UNC13C: variants seen among roughly 807,000 people sequenced by gnomAD.
UNC13C encodes unc-13 homolog C, also known as protein unc-13 homolog C.
Under a neutral mutation model 245.4 loss-of-function variants are expected in UNC13C, and 174 were observed. The observed-to-expected ratio is 0.71, with a 90% CI of 0.63 to 0.80. The LOEUF (loss-of-function observed/expected upper bound fraction) is 0.80, where lower values mean the gene tolerates loss of function less well. UNC13C is among the 30% of genes least tolerant of loss of function. UNC13C has a pLI of 0.00. For synonymous variants in UNC13C, 992 were observed against 895.1 expected, an observed-to-expected ratio of 1.11 and a Z score of -1.93; for missense variants, 2,829 against 2,602.9, an observed-to-expected ratio of 1.09 and a Z score of -1.89.
At chr15:53,897,227 C>T in the UNC13C span, among the ~76,000 whole-genome samples, 968 of 152,310 alleles carry the variant, frequency 6.4e-3, 10 homozygotes, top group African/African-American at 0.023. Flanking sequence ...AGTCTTGTCT[C>T]ACACAGAGGA....
chr15:54,279,816 G>T (rs1225297757), intron 10 of UNC13C, among the ~76,000 whole-genome samples: 2 of 152,124 alleles, frequency 1.3e-5, no homozygotes, highest in African/African-American at 4.8e-5. Flanking sequence ...GTTCAGATAG[G>T]CTGGTAAGGA....
the UNC13C span, among the ~76,000 whole-genome samples, chr15:53,846,014 T>C: frequency 1.3e-5 from 2 of 152,182 alleles, no homozygotes; most frequent in Non-Finnish European, 2.9e-5. Context: ...TTCAGTACAG[T>C]ATTCAATAAA....
chr15:54,485,051 C>G (rs915014991), intron 19 of UNC13C, among the ~76,000 whole-genome samples: 1 of 151,550 alleles, frequency 6.6e-6, no homozygotes, highest in Non-Finnish European at 1.5e-5. Flanking sequence ...TTTACTGACA[C>G]AATCAGGGCC....
At chr15:54,475,562 G>T (rs1892692386) in intron 19 of UNC13C, among the ~76,000 whole-genome samples, 1 of 151,544 alleles carries the variant, frequency 6.6e-6, no homozygotes, top group Non-Finnish European at 1.5e-5. Flanking sequence ...GCAGTGTTTG[G>T]TTTTTTGTCC....
At chr15:54,184,974 A>T (rs1465621166) in intron 4 of UNC13C, among the ~76,000 whole-genome samples, 4 of 152,124 alleles carry the variant, frequency 2.6e-5, no homozygotes, top group East Asian at 1.9e-4. Flanking sequence ...CTGGTGTGAG[A>T]TGGTATCTCA....
chr15:53,957,577 C>CTA, the UNC13C span, among the ~76,000 whole-genome samples: 3 of 151,956 alleles, frequency 2.0e-5, no homozygotes, highest in Non-Finnish European at 4.4e-5. Context: ...AAAGTTTACA[C>CTA]TATATATATA....
At chr15:54,552,964 A>G (rs1215206796) in intron 28 of UNC13C, among the ~76,000 whole-genome samples, 1 of 102,510 alleles carries the variant, frequency 9.8e-6, no homozygotes, top group Non-Finnish European at 1.8e-5. Flanking sequence ...ATTCTATATT[A>G]CAATATATAT....
At chr15:54,423,412 G>C (rs758843213) in intron 19 of UNC13C, among the ~76,000 whole-genome samples, 1 of 151,694 alleles carries the variant, frequency 6.6e-6, no homozygotes, top group Admixed American at 6.6e-5. Context: ...AAGTTTGCCA[G>C]TATAATACAG....
intron 18 of UNC13C, among the ~76,000 whole-genome samples, chr15:54,399,420 C>A (rs1361792335): frequency 1.3e-5 from 2 of 151,772 alleles, no homozygotes; most frequent in Non-Finnish European, 3.0e-5. Flanking sequence ...AAATTTTACT[C>A]ATTTTACTTA....
intron 17 of UNC13C, among the ~76,000 whole-genome samples, chr15:54,377,175 C>T (rs529877): frequency 0.46 from 70,102 of 152,006 alleles, 16,525 homozygotes; most frequent in East Asian, 0.74. Context: ...CTTGGGCTTC[C>T]TCACAGCATA....
intron 30 of UNC13C, among the ~76,000 whole-genome samples, chr15:54,590,532 GTT>G (rs1276563047): frequency 1.3e-5 from 2 of 151,836 alleles, no homozygotes; most frequent in Admixed American, 6.6e-5. Flanking sequence ...CTAAGGGTTT[GTT>G]TGTTTGTTTG....
chr15:54,082,735 G>C (rs959325124), intron 2 of UNC13C, among the ~76,000 whole-genome samples: 2 of 152,136 alleles, frequency 1.3e-5, no homozygotes, highest in East Asian at 3.9e-4. Flanking sequence ...CATTTTGATG[G>C]GACTGTTTTT....
At chr15:54,235,646 A>T (rs1464625574) in intron 5 of UNC13C, among the ~76,000 whole-genome samples, 1 of 152,024 alleles carries the variant, frequency 6.6e-6, no homozygotes, top group African/African-American at 2.4e-5. Context: ...AGGTCAGGAG[A>T]TCAAGACCAT....
At chr15:54,097,621 T>C (rs552403654) in intron 2 of UNC13C, among the ~76,000 whole-genome samples, 1 of 152,298 alleles carries the variant, frequency 6.6e-6, no homozygotes, top group African/African-American at 2.4e-5. Flanking sequence ...TTAATTATCT[T>C]TGTAGCAACT....
At chr15:54,173,804 G>T (rs1160843080) in intron 4 of UNC13C, among the ~76,000 whole-genome samples, 1 of 152,122 alleles carries the variant, frequency 6.6e-6, no homozygotes, top group Non-Finnish European at 1.5e-5. Flanking sequence ...TTAAGCAGAA[G>T]CATTCAGGCT....
chr15:54,363,680 T>C (rs28502735), intron 17 of UNC13C, among the ~76,000 whole-genome samples: 71,384 of 151,878 alleles, frequency 0.47, 17,151 homozygotes, highest in East Asian at 0.74. Context: ...ATTGGAGGGG[T>C]GAGACTGGGA....
intron 4 of UNC13C, among the ~76,000 whole-genome samples, chr15:54,172,390 G>A (rs2033433362): frequency 2.0e-5 from 3 of 151,640 alleles, no homozygotes; most frequent in Non-Finnish European, 1.5e-5. Flanking sequence ...CACCTACTAG[G>A]TACACACAAT....
chr15:54,279,726 C>G (rs1002359804), intron 10 of UNC13C, among the ~76,000 whole-genome samples: 3 of 152,094 alleles, frequency 2.0e-5, no homozygotes, highest in Admixed American at 2.0e-4. Flanking sequence ...AACTCTTTTT[C>G]TCTGGCAAGA....
intron 17 of UNC13C, among the ~76,000 whole-genome samples, chr15:54,350,691 C>G (rs1480240573): frequency 6.6e-6 from 1 of 152,144 alleles, no homozygotes. Flanking sequence ...TTCTGCCCCA[C>G]GTGGCCATAC....
Sources: gnomAD v4.1 joint callset for allele counts (sites outside exome capture counted in the v4.1 genomes callset) on GRCh38, gnomAD v4.1.1 for gene constraint, MANE v1.5 for transcripts, NCBI Gene and HGNC (gene_info 2026-07-23, HGNC 2026-07-21) for gene names.